Variants in PPIP5K2 observed in about 807,000 individuals in gnomAD.
PPIP5K2 encodes inositol hexakisphosphate and diphosphoinositol-pentakisphosphate kinase 2.
Under a neutral mutation model 154.6 loss-of-function variants are expected in PPIP5K2, and 105 were observed. The ratio of observed to expected loss-of-function variants is 0.68; its 90% CI spans 0.58 to 0.80. The LOEUF (loss-of-function observed/expected upper bound fraction) is 0.80. PPIP5K2 is among the 30% of genes least tolerant of loss of function. The pLI is 0.00. For synonymous variants in PPIP5K2, 480 were observed against 490.3 expected, an observed-to-expected ratio of 0.98 and a Z score of 0.28; for missense variants, 992 against 1,504.6, an observed-to-expected ratio of 0.66 and a Z score of 5.64.
At chr5:103,198,410 A>T (rs782322121) in intron 30 of PPIP5K2, among the ~76,000 whole-genome samples, 22 of 152,074 alleles carry the variant, frequency 1.4e-4, no homozygotes, top group Non-Finnish European at 2.8e-4. Context: ...GTTGTTGATA[A>T]TGTTCAGATA....
rs1434600144 is a variant in PPIP5K2, at chr5:103,212,215, A to G, written c.*10581A>G. On this transcript the variant is annotated 3_prime_UTR_variant, in exon 31 of 31. Coordinates refer to ENST00000358359, the MANE Select transcript of PPIP5K2 (RefSeq NM_001276277.3). ...ATATAAAATCTCATGCCCTCTCATT[A>G]TCTTGATAAGCCCTATAGGTCCATA... 1 of 152,298 alleles carries G rather than the reference A, an allele frequency of 6.6e-6. No homozygotes were observed. Among genetic ancestry groups the G allele is most frequent in the Non-Finnish European group, 1.5e-5 (1 of 67,990 alleles). The allele number at this position is 152,298 out of a possible 1,614,324, so 9.4% of individuals were successfully genotyped here.
At chr5:103,158,604 A>G (rs564914970) in intron 16 of PPIP5K2, 31 bp downstream of exon 16, 3 of 1,524,108 alleles carry the variant, frequency 2.0e-6, no homozygotes, top group Non-Finnish European at 1.8e-6. Flanking sequence ...GAATTATTAG[A>G]GTTTTTAATC....
At chr5:103,169,166 A>G (rs1411362740) in intron 19 of PPIP5K2, among the ~76,000 whole-genome samples, 3 of 151,890 alleles carry the variant, frequency 2.0e-5, no homozygotes, top group Non-Finnish European at 4.4e-5. Context: ...AATTGGATTG[A>G]TAATAAAGGG....
At chr5:103,161,103 C>G (rs1432975365) in intron 17 of PPIP5K2, among the ~76,000 whole-genome samples, 1 of 118,056 alleles carries the variant, frequency 8.5e-6, no homozygotes, top group Non-Finnish European at 1.8e-5. Context: ...TGCTTTCCCT[C>G]CCCCCAACCC....
intron 3 of PPIP5K2, 150 bp from the exon 4 acceptor site, chr5:103,136,582 G>A: frequency 1.7e-6 from 1 of 577,068 alleles, no homozygotes; most frequent in Non-Finnish European, 3.1e-6. Flanking sequence ...GTTAAATCAA[G>A]GTTTATGTAT....
At position 103,187,319 on chromosome 5, in the gene PPIP5K2, A is replaced by G; in HGVS notation, c.3295A>G (p.Thr1099Ala). The G allele has an allele frequency of 1.3e-6, 2 of 1,535,102 alleles. No homozygotes were observed. Among genetic ancestry groups the G allele is most frequent in the South Asian group, 1.2e-5 (1 of 83,994 alleles). ...CCTGTTTTTCTCTTTCTTAGACGCC[A>G]CACGCGGTTCTGCTGTTAAAAGGTT... is the stretch of plus-strand genomic sequence containing the variant. ...LTSSGCIDDA[T>A]RGSAVKRFSI... is the part of the protein sequence containing the mutation. Residue 1099 changes from threonine to alanine, a missense_variant, in exon 28 of 31, where the codon ACA (threonine) becomes GCA (alanine). By Grantham distance (58) the Thr-to-Ala change is moderately conservative. Transcript: ENST00000358359.
intron 24 of PPIP5K2, among the ~76,000 whole-genome samples, chr5:103,182,494 T>C (rs1456595042): frequency 1.3e-5 from 2 of 152,214 alleles, no homozygotes; most frequent in Admixed American, 6.5e-5. Flanking sequence ...AAGAAGTTTG[T>C]ACTTCCAAAA....
At chr5:103,155,786 A>C in intron 13 of PPIP5K2, 123 bp from the exon 14 acceptor site, 1 of 725,916 alleles carries the variant, frequency 1.4e-6, no homozygotes, top group Admixed American at 2.6e-5. Context: ...TATATGGTAC[A>C]ATTTTTTTTT....
intron 20 of PPIP5K2, 37 bp from the exon 21 acceptor site, chr5:103,173,821 A>G (rs1554220130): frequency 7.8e-7 from 1 of 1,283,460 alleles, no homozygotes; most frequent in Admixed American, 2.0e-5. Flanking sequence ...TTTTGATTAT[A>G]TGGTTATGTT....
intron 1 of PPIP5K2, among the ~76,000 whole-genome samples, chr5:103,128,277 G>A (rs1186133785): frequency 1.3e-5 from 2 of 152,114 alleles, no homozygotes; most frequent in African/African-American, 2.4e-5. Flanking sequence ...TGAAGCATTT[G>A]TTATGTAGTT....
At chr5:103,153,961 A>G in intron 11 of PPIP5K2, 27 bp downstream of exon 11, 1 of 1,477,800 alleles carries the variant, frequency 6.8e-7, no homozygotes, top group Non-Finnish European at 9.3e-7. Flanking sequence ...ATAATTTAAC[A>G]TGCATGATAC....
chr5:103,165,999 A>T (rs114712086), intron 17 of PPIP5K2, among the ~76,000 whole-genome samples: 1 of 152,094 alleles, frequency 6.6e-6, no homozygotes. Context: ...AATTTTAAAC[A>T]AGTGGGATGA....
chr5:103,195,335 A>G (rs1554228191), intron 30 of PPIP5K2, among the ~76,000 whole-genome samples: 1 of 152,086 alleles, frequency 6.6e-6, no homozygotes, highest in African/African-American at 2.4e-5. Context: ...GAAAATTTCT[A>G]TAGGCCAGGC....
intron 1 of PPIP5K2, among the ~76,000 whole-genome samples, chr5:103,128,332 A>G (rs1406033286): frequency 1.3e-5 from 2 of 152,160 alleles, no homozygotes. Flanking sequence ...GGAAGCAAGT[A>G]CATGTAAACA....
At chr5:103,160,378 C>A (rs1554215245) in intron 17 of PPIP5K2, among the ~76,000 whole-genome samples, 1 of 151,970 alleles carries the variant, frequency 6.6e-6, no homozygotes, top group East Asian at 1.9e-4. Flanking sequence ...TATTAATTTA[C>A]TTTGGCTATT....
chr5:103,131,753 T>C (rs1410283816), intron 2 of PPIP5K2, among the ~76,000 whole-genome samples: 1 of 152,164 alleles, frequency 6.6e-6, no homozygotes, highest in African/African-American at 2.4e-5. Flanking sequence ...TATAGTTTTT[T>C]TAGACATTCA....
intron 10 of PPIP5K2, 54 bp from the exon 11 acceptor site, chr5:103,153,794 T>C (rs1477304053): frequency 3.1e-6 from 4 of 1,278,752 alleles, no homozygotes; most frequent in Non-Finnish European, 4.4e-6. Flanking sequence ...ATCTGAATTA[T>C]ACAACACAAA....
chr5:103,139,036 AG>A (rs1392248032), intron 5 of PPIP5K2, among the ~76,000 whole-genome samples: 1 of 152,220 alleles, frequency 6.6e-6, no homozygotes, highest in Non-Finnish European at 1.5e-5. Flanking sequence ...TTGGTATACG[AG>A]GGGGTTCCTG....
intron 5 of PPIP5K2, among the ~76,000 whole-genome samples, chr5:103,138,711 A>T (rs1792019819): frequency 6.6e-6 from 1 of 152,258 alleles, no homozygotes. Flanking sequence ...ATCTCTAAGA[A>T]TCATGAGTTA....
Sources: gnomAD v4.1 joint callset for allele counts (sites outside exome capture counted in the v4.1 genomes callset) on GRCh38, gnomAD v4.1.1 for gene constraint, MANE v1.5 for transcripts, NCBI Gene and HGNC (gene_info 2026-07-23, HGNC 2026-07-21) for gene names.